The following FLYWCH1 variants were observed in gnomAD, a reference collection of about 807,000 sequenced individuals.
FLYWCH1 encodes the protein FLYWCH-type zinc finger-containing protein 1.
Under a neutral mutation model 66.4 loss-of-function variants are expected in FLYWCH1, and 75 were observed. The observed-to-expected ratio is 1.13, with a 90% CI of 0.94 to 1.37. FLYWCH1 has a LOEUF of 1.37. Ranked by LOEUF, FLYWCH1 falls within the 40% of genes most tolerant of loss-of-function variation. The pLI is 0.00. For synonymous variants in FLYWCH1, 595 were observed against 429.9 expected (o/e 1.38, Z -4.75); for missense variants, 1,334 against 1,001.8 (o/e 1.33, Z -4.48).
intron 2 of FLYWCH1, chr16:2,922,636 G>T (rs2070414442): frequency 2.4e-6 from 1 of 417,786 alleles, no homozygotes; most frequent in Admixed American, 2.8e-5. Flanking sequence ...CATATATTTA[G>T]AATTAGCCAG....
chr16:2,929,135 C>T (rs771754969), intron 2 of FLYWCH1, among the ~76,000 whole-genome samples: 2 of 152,332 alleles, frequency 1.3e-5, no homozygotes, highest in East Asian at 1.9e-4. Flanking sequence ...CCAAAAAGGT[C>T]CTGACAAGTC....
At chr16:2,913,814 G>C (rs74503465) in intron 1 of FLYWCH1, among the ~76,000 whole-genome samples, 21 of 152,226 alleles carry the variant, frequency 1.4e-4, no homozygotes, top group African/African-American at 4.6e-4. Context: ...GTTCAGTTGC[G>C]GGTAGGTGGG....
Position 2,930,558 on chromosome 16 carries a change from G to A in FLYWCH1, c.474G>A (p.Arg158=), listed in dbSNP as rs374701808. 5.6e-4 allele frequency: 871 copies of A among 1,553,696 alleles called. 2 individuals carry two copies. The highest frequency in any genetic ancestry group is 3.6e-3 in the Middle Eastern group (21 of 5,764). Residue 158 remains arginine, a synonymous_variant, in exon 4 of 10, where the codon CGG becomes CGA. Coordinates refer to ENST00000253928, the MANE Select transcript of FLYWCH1 (RefSeq NM_001308068.2). ...ATGCTGAGCTGGGCTGCCGGGGCCG[G>A]GCCATCACCCGAGGCCTGCGGGCCA... The part of the protein sequence containing the change: ...RQHAELGCRG[R]AITRGLRATV...
chr16:2,923,972 G>C (rs1203331699), intron 2 of FLYWCH1, among the ~76,000 whole-genome samples: 1 of 152,114 alleles, frequency 6.6e-6, no homozygotes, highest in Non-Finnish European at 1.5e-5. Flanking sequence ...AGGAGGTGGA[G>C]GTTGCATTGA....
Position 2,930,734 on chromosome 16 carries a change from A to AG in FLYWCH1, c.655dup (p.Val219GlyfsTer8). Reference sequence around the variant, plus strand: ...GGAGGCCGAGTGGAGGAGCCCCTGGAGGGGGTGGGCCCGTGGCAGTGCCCT... The same window carrying AG: ...GGAGGCCGAGTGGAGGAGCCCCTGGAGGGGGGTGGGCCCGTGGCAGTGCCCT... On this transcript the variant is annotated frameshift_variant, in exon 4 of 10. Coordinates refer to ENST00000253928, the MANE Select transcript of FLYWCH1 (RefSeq NM_001308068.2). LOFTEE classifies it high-confidence loss of function. The AG allele has an allele frequency of 1.3e-6, 2 of 1,553,656 alleles. No homozygotes were observed. The highest frequency in any genetic ancestry group is 8.7e-7 in the Non-Finnish European group (1 of 1,154,032).
chr16:2,927,362 T>A (rs1207096840), intron 2 of FLYWCH1, among the ~76,000 whole-genome samples: 1 of 152,176 alleles, frequency 6.6e-6, no homozygotes, highest in Non-Finnish European at 1.5e-5. Context: ...CAGGAGCACC[T>A]GCGGTGGCTA....
chr16:2,934,042 CCCTCT>C, intron 6 of FLYWCH1, 63 bp downstream of exon 6: 1 of 1,446,230 alleles, frequency 6.9e-7, no homozygotes, highest in East Asian at 2.5e-5. Flanking sequence ...CACTGCCTTT[CCCTCT>C]CCATGCTGCG....
At chr16:2,939,233 G>T (rs2071155428) in intron 8 of FLYWCH1, among the ~76,000 whole-genome samples, 1 of 152,164 alleles carries the variant, frequency 6.6e-6, no homozygotes, top group African/African-American at 2.4e-5. Context: ...ATCACCTGAG[G>T]TCAGGAGTTC....
At position 2,949,297 on chromosome 16, in the gene FLYWCH1, T is replaced by C. The variant is rs757276; in HGVS notation, c.*570T>C. 0.67 allele frequency: 102,394 copies of C among 153,110 alleles called. 35,798 individuals carry two copies. Among genetic ancestry groups the C allele is most frequent in the African/African-American group, 0.89 (37,033 of 41,550 alleles). 9.5% of individuals were successfully genotyped at this position (153,110 alleles called of 1,614,324 possible). A position where few individuals can be genotyped will look rare whatever the true frequency, so the allele number is the denominator to read the frequency against. Reference sequence around the variant, plus strand: ...TGTGGCCATCCCCAGCAACCGGAGCTGGCCAAACCAGAGGCCTCGCTCCGC... The same window carrying C: ...TGTGGCCATCCCCAGCAACCGGAGCCGGCCAAACCAGAGGCCTCGCTCCGC... On this transcript the variant is annotated 3_prime_UTR_variant, in exon 10 of 10. Coordinates refer to ENST00000253928, the MANE Select transcript of FLYWCH1 (RefSeq NM_001308068.2).
intron 7 of FLYWCH1, 129 bp from the exon 8 acceptor site, chr16:2,938,055 G>T: frequency 1.1e-6 from 1 of 891,106 alleles, no homozygotes. Context: ...AGGAGGGCAG[G>T]GACCACCGTG....
chr16:2,918,002 T>A (rs1335593930), intron 2 of FLYWCH1, among the ~76,000 whole-genome samples: 1 of 151,370 alleles, frequency 6.6e-6, no homozygotes, highest in African/African-American at 2.4e-5. Flanking sequence ...CATGCCCAGG[T>A]AATTTTTGTA....
chr16:2,949,915 C>G lies in FLYWCH1; in HGVS notation c.*1188C>G, dbSNP rs1166518958. On this transcript the variant is annotated 3_prime_UTR_variant, in exon 10 of 10. Coordinates refer to ENST00000253928, the MANE Select transcript of FLYWCH1 (RefSeq NM_001308068.2). Reference sequence around the variant, plus strand: ...CCATGCCAGTGCCCAGGGGGAGACCCCTCCCCATGCCTGGGCTGTTACAGT... The same window carrying G: ...CCATGCCAGTGCCCAGGGGGAGACCGCTCCCCATGCCTGGGCTGTTACAGT... The G allele has an allele frequency of 6.6e-6, 1 of 152,166 alleles. No homozygotes were observed. Among genetic ancestry groups the G allele is most frequent in the Admixed American group, 6.6e-5 (1 of 15,264 alleles). The allele number at this position is 152,166 out of a possible 1,614,324, so 9.4% of individuals were successfully genotyped here.
intron 2 of FLYWCH1, among the ~76,000 whole-genome samples, chr16:2,921,771 G>T (rs1270758867): frequency 3.3e-5 from 5 of 151,792 alleles, no homozygotes; most frequent in African/African-American, 1.2e-4. Context: ...AAAATAAAAG[G>T]TATTCATTCT....
chr16:2,925,502 G>A (rs1405365261), intron 2 of FLYWCH1, among the ~76,000 whole-genome samples: 1 of 151,404 alleles, frequency 6.6e-6, no homozygotes, highest in Non-Finnish European at 1.5e-5. Flanking sequence ...GAGCGAGGGA[G>A]CGGGAGGGGC....
At chr16:2,934,401 C>T (rs556110224) in intron 6 of FLYWCH1, among the ~76,000 whole-genome samples, 4 of 152,218 alleles carry the variant, frequency 2.6e-5, no homozygotes, top group African/African-American at 7.2e-5. Context: ...TTTCTCCTCT[C>T]GGCCCGCTGT....
intron 2 of FLYWCH1, among the ~76,000 whole-genome samples, chr16:2,920,801 G>C (rs974957285): frequency 6.8e-6 from 1 of 147,338 alleles, no homozygotes; most frequent in Non-Finnish European, 1.5e-5. Context: ...TTGGCCTCCC[G>C]AAGTGCTAGG....
intron 9 of FLYWCH1, among the ~76,000 whole-genome samples, chr16:2,944,381 T>A (rs1270190841): frequency 4.6e-5 from 6 of 129,128 alleles, no homozygotes; most frequent in Non-Finnish European, 6.5e-5. Flanking sequence ...GTGACAAGAG[T>A]GAAACTCCAT....
Position 2,912,071 on chromosome 16 carries a change from G to A in FLYWCH1, c.-271G>A, listed in dbSNP as rs1416430360. On this transcript the variant is annotated 5_prime_UTR_variant, in exon 1 of 10. Coordinates refer to ENST00000253928, the MANE Select transcript of FLYWCH1 (RefSeq NM_001308068.2). ...GTGGCGGCGGCGGCCTGGGTCGCGG[G>A]GTCGACGCTCGCTGCTGCAGCGGCA... The A allele has an allele frequency of 2.0e-5, 3 of 152,458 alleles. No individual in the cohort carries two copies. Among genetic ancestry groups the A allele is most frequent in the African/African-American group, 7.2e-5 (3 of 41,458 alleles). 9.4% of individuals were successfully genotyped at this position (152,458 alleles called of 1,614,324 possible). A position where few individuals can be genotyped will look rare whatever the true frequency, so the allele number is the denominator to read the frequency against.
At chr16:2,947,117 G>C (rs746343461) in intron 9 of FLYWCH1, among the ~76,000 whole-genome samples, 2 of 152,172 alleles carry the variant, frequency 1.3e-5, no homozygotes, top group Admixed American at 6.5e-5. Flanking sequence ...ATGAAATACA[G>C]TCTATTTATA....
Sources: gnomAD v4.1 joint callset for allele counts (sites outside exome capture counted in the v4.1 genomes callset) on GRCh38, gnomAD v4.1.1 for gene constraint, MANE v1.5 for transcripts, NCBI Gene and HGNC (gene_info 2026-07-23, HGNC 2026-07-21) for gene names.